The following TRDN variants were observed in gnomAD, a reference collection of about 807,000 sequenced individuals.
The protein encoded by TRDN is triadin.
A neutral mutation model predicts 149.7 loss-of-function variants in TRDN; 161 were observed. The observed-to-expected ratio is 1.08, with a 90% CI of 0.95 to 1.23. The LOEUF (loss-of-function observed/expected upper bound fraction) is 1.23, where lower values mean the gene tolerates loss of function less well. Ranked by LOEUF, TRDN falls within the 50% of genes most tolerant of loss-of-function variation. The pLI is 0.00. For missense variants in TRDN, 896 were observed against 823.5 expected, an observed-to-expected ratio of 1.09 and a Z score of -1.08; for synonymous variants, 294 against 250.5, an observed-to-expected ratio of 1.17 and a Z score of -1.64.
intron 1 of TRDN, among the ~76,000 whole-genome samples, chr6:123,589,586 T>G (rs904630931): frequency 6.6e-6 from 1 of 152,226 alleles, no homozygotes; most frequent in Non-Finnish European, 1.5e-5. Flanking sequence ...GATATTTTCA[T>G]GGAAATCAGC....
chr6:123,232,535 G>A (rs774685272), intron 38 of TRDN, among the ~76,000 whole-genome samples: 46 of 152,020 alleles, frequency 3.0e-4, no homozygotes, highest in Non-Finnish European at 6.5e-4. Flanking sequence ...AAAGGGCAAG[G>A]AAAATTTTGT....
chr6:123,601,872 G>A (rs1020506274), intron 1 of TRDN, among the ~76,000 whole-genome samples: 1 of 152,084 alleles, frequency 6.6e-6, no homozygotes, highest in Non-Finnish European at 1.5e-5. Flanking sequence ...ACTTGAGGTT[G>A]GTTGGCAGCT....
chr6:123,415,741 G>A (rs1272620578), intron 12 of TRDN, among the ~76,000 whole-genome samples: 2 of 152,140 alleles, frequency 1.3e-5, no homozygotes, highest in African/African-American at 4.8e-5. Flanking sequence ...TCAGTGATAA[G>A]TAGACATTAG....
intron 1 of TRDN, among the ~76,000 whole-genome samples, chr6:123,611,053 T>C (rs538424039): frequency 6.6e-6 from 1 of 152,212 alleles, no homozygotes; most frequent in South Asian, 2.1e-4. Flanking sequence ...AAGGGCCCAA[T>C]AAGCTGAATC....
chr6:123,278,463 C>A, intron 25 of TRDN, 116 bp from the exon 26 acceptor site: 1 of 653,778 alleles, frequency 1.5e-6, no homozygotes, highest in Non-Finnish European at 2.1e-6. Flanking sequence ...TGGTTTCAAT[C>A]TCCTATTAAC....
chr6:123,299,775 T>C (rs946830052), intron 24 of TRDN, among the ~76,000 whole-genome samples: 3 of 152,042 alleles, frequency 2.0e-5, no homozygotes, highest in Admixed American at 2.0e-4. Context: ...AAAAACTAGT[T>C]AATACATTGA....
chr6:123,519,473 GTT>G (rs762378636), intron 5 of TRDN, among the ~76,000 whole-genome samples: 22 of 73,962 alleles, frequency 3.0e-4, no homozygotes, highest in Admixed American at 5.8e-4. Flanking sequence ...TGACCCTGTG[GTT>G]TTTTTTTTTT....
intron 20 of TRDN, among the ~76,000 whole-genome samples, chr6:123,363,658 A>G (rs940900833): frequency 2.0e-5 from 3 of 152,124 alleles, no homozygotes; most frequent in Non-Finnish European, 4.4e-5. Context: ...CGTAACCCCA[A>G]CCAAAATGTT....
chr6:123,362,115 C>T (rs1264132163), intron 20 of TRDN, among the ~76,000 whole-genome samples: 2 of 152,102 alleles, frequency 1.3e-5, no homozygotes, highest in Non-Finnish European at 2.9e-5. Flanking sequence ...CTGAAGAACG[C>T]TATTGTCATT....
At chr6:123,613,990 A>G (rs982380857) in intron 1 of TRDN, among the ~76,000 whole-genome samples, 1 of 152,158 alleles carries the variant, frequency 6.6e-6, no homozygotes, top group African/African-American at 2.4e-5. Flanking sequence ...TAGAGACTGG[A>G]AGCTAAAGCA....
chr6:123,494,543 TAAA>T (rs1778351783), intron 9 of TRDN, among the ~76,000 whole-genome samples: 2 of 152,184 alleles, frequency 1.3e-5, no homozygotes, highest in Non-Finnish European at 2.9e-5. Context: ...AAAGAAATTT[TAAA>T]ACTAATAGAA....
chr6:123,574,954 G>A (rs1341970484), intron 1 of TRDN, among the ~76,000 whole-genome samples: 1 of 144,620 alleles, frequency 6.9e-6, no homozygotes, highest in Non-Finnish European at 1.5e-5. Context: ...AGAAATGCAA[G>A]CTCTGAGTTA....
intron 38 of TRDN, among the ~76,000 whole-genome samples, chr6:123,235,935 G>A (rs1226513880): frequency 3.3e-5 from 5 of 152,190 alleles, no homozygotes; most frequent in Non-Finnish European, 4.4e-5. Context: ...CCATTTGCCT[G>A]TTGAAGGACA....
At chr6:123,372,630 A>T (rs895331732) in intron 19 of TRDN, among the ~76,000 whole-genome samples, 1 of 152,136 alleles carries the variant, frequency 6.6e-6, no homozygotes, top group African/African-American at 2.4e-5. Flanking sequence ...GGTTCTGAAA[A>T]ATAGTGATCC....
chr6:123,436,851 T>C (rs1280320478), intron 12 of TRDN, among the ~76,000 whole-genome samples: 1 of 152,110 alleles, frequency 6.6e-6, no homozygotes, highest in Non-Finnish European at 1.5e-5. Context: ...TTTTACCCCA[T>C]ATACACAAGC....
At chr6:123,564,253 T>C (rs1340793201) in intron 2 of TRDN, among the ~76,000 whole-genome samples, 1 of 152,116 alleles carries the variant, frequency 6.6e-6, no homozygotes, top group East Asian at 1.9e-4. Flanking sequence ...GCAGAAAATA[T>C]GGAATTTGAG....
rs373781035 is a variant in TRDN at position 123,239,707 on chromosome 6, G to A, written c.1975+12705C>T. On this transcript the variant is annotated intron_variant, in intron 38 of 40. Transcript: ENST00000334268. ...AATATGCTTAACATTGAATTGTAAT[G>A]AAAATACTACATATAAAAGTTTGTG... Among the ~76,000 whole-genome samples the A allele has an allele frequency of 5.5e-4, 83 of 152,124 alleles. 1 individual carries two copies. In the South Asian group the frequency reaches 0.016, roughly 29 times the overall value.
At chr6:123,522,960 G>A (rs991508357) in intron 5 of TRDN, among the ~76,000 whole-genome samples, 4 of 152,110 alleles carry the variant, frequency 2.6e-5, no homozygotes, top group Non-Finnish European at 5.9e-5. Context: ...AATCATAAAA[G>A]GGAGTGGCAA....
rs532579765 is a variant in TRDN, at chr6:123,448,116, C to T, written c.932-9113G>A. Among the ~76,000 whole-genome samples the T allele has an allele frequency of 2.5e-4, 38 of 152,310 alleles. No homozygotes were observed. The South Asian group carries it at 7.5e-3, about 30-fold the overall frequency. On this transcript the variant is annotated intron_variant, in intron 10 of 40. Transcript: ENST00000334268. ...CGCTGGGTCCCCTAGCAGGCCATTC[C>T]TGCCTGGCACCACAGGGATTCATCA... is the stretch of plus-strand genomic sequence containing the variant.
Sources: gnomAD v4.1 joint callset for allele counts (sites outside exome capture counted in the v4.1 genomes callset) on GRCh38, gnomAD v4.1.1 for gene constraint, MANE v1.5 for transcripts, NCBI Gene and HGNC (gene_info 2026-07-23, HGNC 2026-07-21) for gene names.